The following FRMD4A variants were observed in gnomAD, a reference collection of about 807,000 sequenced individuals.
FRMD4A encodes FERM domain containing 4A.
FRMD4A carries 29 observed loss-of-function variants against 129.1 expected under a neutral mutation model. That is an observed-to-expected ratio of 0.22 (90% CI 0.17 to 0.31). The LOEUF (loss-of-function observed/expected upper bound fraction) is 0.31. FRMD4A is among the 10% of genes least tolerant of loss of function. The pLI is 1.00. For missense variants in FRMD4A, 1,272 were observed against 1,375.8 expected, an observed-to-expected ratio of 0.92 and a Z score of 1.19; for synonymous variants, 634 against 571.6, an observed-to-expected ratio of 1.11 and a Z score of -1.56.
chr10:13,836,669 G>A lies in FRMD4A; in HGVS notation c.111+22178C>T, dbSNP rs539061060. On this transcript the variant is annotated intron_variant, in intron 3 of 24. Coordinates refer to ENST00000357447, the MANE Select transcript of FRMD4A (RefSeq NM_018027.5). ...TCACATACCCCAAAATGAGTTTGTG[G>A]CCCAGGAGGGAGGGTTTTTCATGGC... Among the ~76,000 whole-genome samples the A allele has an allele frequency of 2.0e-5, 3 of 151,918 alleles. No homozygotes were observed. The South Asian group carries it at 6.2e-4, about 32-fold the overall frequency.
intron 2 of FRMD4A, among the ~76,000 whole-genome samples, chr10:14,098,445 C>A (rs1837117374): frequency 6.6e-6 from 1 of 151,738 alleles, no homozygotes. Context: ...GCTCTGTCAC[C>A]CAGGCTGGAG....
At chr10:13,727,897 G>A (rs1415997760) in intron 12 of FRMD4A, 1 of 149,152 alleles carries the variant, frequency 6.7e-6, no homozygotes, top group East Asian at 2.5e-4. Flanking sequence ...TTTAGTGCTC[G>A]AACACTATTG....
At chr10:13,754,912 A>G (rs1020196033) in intron 8 of FRMD4A, among the ~76,000 whole-genome samples, 14 of 152,192 alleles carry the variant, frequency 9.2e-5, no homozygotes, top group African/African-American at 3.4e-4. Context: ...TGGTCAATTT[A>G]AAAATCGTAG....
rs759471286 is a variant in FRMD4A, at chr10:13,747,721, C to T, written c.548+15G>A. On this transcript the variant is annotated intron_variant, in intron 9 of 24. Transcript: ENST00000357447. ...GAGAGGGACTCGCTCCTGGGGAAGA[C>T]TCCAGGGGTCTTACCAGTAGGCCAG... 12 of 1,442,020 alleles carry T rather than the reference C, an allele frequency of 8.3e-6. No individual in the cohort carries two copies. The highest frequency in any genetic ancestry group is 1.2e-5 in the Non-Finnish European group (12 of 1,023,234). 89.3% of individuals were successfully genotyped at this position (1,442,020 alleles called of 1,614,324 possible). A position where few individuals can be genotyped will look rare whatever the true frequency, so the allele number is the denominator to read the frequency against.
At chr10:14,185,415 G>C (rs971205535) in intron 2 of FRMD4A, among the ~76,000 whole-genome samples, 10 of 152,304 alleles carry the variant, frequency 6.6e-5, no homozygotes, top group African/African-American at 1.7e-4. Flanking sequence ...ACCACCCTAA[G>C]CGTAAGGAGA....
chr10:14,227,534 G>A (rs1843486390), intron 2 of FRMD4A, among the ~76,000 whole-genome samples: 1 of 152,038 alleles, frequency 6.6e-6, no homozygotes, highest in African/African-American at 2.4e-5. Context: ...TTACAGATGT[G>A]AGCCAGGGTG....
In FRMD4A at chr10:14,198,395, G is replaced by A. The variant is rs142333126; in HGVS notation, c.45+131663C>T. 3.2e-4 allele frequency among the ~76,000 whole-genome samples: 48 copies of A among 152,232 alleles called. No homozygotes were observed. In the East Asian group the frequency reaches 5.8e-3, roughly 18 times the overall value. Reference sequence around the variant, plus strand: ...AGCGGCACATGGTTCTTGGCCAGGCGGAATAGAAACAAGGTTTACTGAAGG... The same window carrying A: ...AGCGGCACATGGTTCTTGGCCAGGCAGAATAGAAACAAGGTTTACTGAAGG... On this transcript the variant is annotated intron_variant, in intron 2 of 24. Transcript: ENST00000357447.
intron 2 of FRMD4A, among the ~76,000 whole-genome samples, chr10:14,298,388 A>G (rs1230611815): frequency 6.6e-6 from 1 of 152,158 alleles, no homozygotes; most frequent in Non-Finnish European, 1.5e-5. Context: ...CACTGGAAGA[A>G]AAGCACAATG....
intron 2 of FRMD4A, among the ~76,000 whole-genome samples, chr10:13,925,999 A>G (rs1472917768): frequency 1.3e-5 from 2 of 151,852 alleles, no homozygotes; most frequent in Admixed American, 6.6e-5. Context: ...TTTGCTGCTC[A>G]AGGAAATCAA....
intron 2 of FRMD4A, among the ~76,000 whole-genome samples, chr10:13,942,602 A>C (rs912926347): frequency 2.6e-5 from 4 of 152,176 alleles, no homozygotes; most frequent in African/African-American, 9.7e-5. Context: ...TTGTGCAAAA[A>C]CAGAAAGTCT....
chr10:13,819,396 C>A (rs987457299), intron 3 of FRMD4A, among the ~76,000 whole-genome samples: 1 of 152,152 alleles, frequency 6.6e-6, no homozygotes, highest in Non-Finnish European at 1.5e-5. Context: ...CTGCTCAAAG[C>A]CCACTTCCTC....
chr10:13,945,823 T>C (rs988261139), intron 2 of FRMD4A, among the ~76,000 whole-genome samples: 5 of 152,198 alleles, frequency 3.3e-5, no homozygotes, highest in Non-Finnish European at 7.3e-5. Context: ...TTTCTCCTGA[T>C]CCAGTTATCC....
At chr10:13,836,482 G>C (rs117461076) in intron 3 of FRMD4A, among the ~76,000 whole-genome samples, 1 of 152,046 alleles carries the variant, frequency 6.6e-6, no homozygotes. Context: ...TGGGGGGCGC[G>C]GGGAGGAAAC....
intron 2 of FRMD4A, among the ~76,000 whole-genome samples, chr10:14,119,305 G>A (rs1008454339): frequency 1.4e-4 from 22 of 152,192 alleles, no homozygotes; most frequent in South Asian, 4.1e-4. Flanking sequence ...CGGTTCATAT[G>A]CTCAAACAAG....
intron 2 of FRMD4A, among the ~76,000 whole-genome samples, chr10:14,021,596 T>A (rs1425623603): frequency 4.0e-5 from 6 of 151,596 alleles, no homozygotes; most frequent in Admixed American, 3.9e-4. Flanking sequence ...AATAAATAAA[T>A]AAAAACTGGG....
In FRMD4A at chr10:13,886,434, G is replaced by T. The variant is rs1202492024; in HGVS notation, c.46-27522C>A. Among the ~76,000 whole-genome samples the T allele has an allele frequency of 2.6e-5, 4 of 152,158 alleles. No homozygotes were observed. The South Asian group carries it at 8.3e-4, about 32-fold the overall frequency. Reference sequence around the variant, plus strand: ...ATTCTGCATTAGGACCAGGACTCCGGACTTTAAGGTTGGTAATGCATTACT... The same window carrying T: ...ATTCTGCATTAGGACCAGGACTCCGTACTTTAAGGTTGGTAATGCATTACT... On this transcript the variant is annotated intron_variant, in intron 2 of 24. Transcript: ENST00000357447.
chr10:14,200,142 C>G (rs1298791695), intron 2 of FRMD4A, among the ~76,000 whole-genome samples: 1 of 150,072 alleles, frequency 6.7e-6, no homozygotes, highest in Non-Finnish European at 1.5e-5. Context: ...ATCCTCCTGC[C>G]TCAGCTTCCC....
chr10:13,672,781 G>A (rs775622511), intron 16 of FRMD4A, among the ~76,000 whole-genome samples: 9 of 152,152 alleles, frequency 5.9e-5, no homozygotes. Context: ...GAGCTGAGGG[G>A]AGAGATGCAG....
At chr10:14,113,941 C>T (rs188255959) in intron 2 of FRMD4A, among the ~76,000 whole-genome samples, 12 of 152,304 alleles carry the variant, frequency 7.9e-5, no homozygotes, top group Admixed American at 7.2e-4. Flanking sequence ...TCCCACCTCA[C>T]CCCCAGCCCA....
Sources: gnomAD v4.1 joint callset for allele counts (sites outside exome capture counted in the v4.1 genomes callset) on GRCh38, gnomAD v4.1.1 for gene constraint, MANE v1.5 for transcripts, NCBI Gene and HGNC (gene_info 2026-07-23, HGNC 2026-07-21) for gene names.